Variants in AMOTL1 observed in about 807,000 individuals in gnomAD.
AMOTL1 encodes the protein angiomotin like 1, also known as angiomotin-like protein 1.
A neutral mutation model predicts 102.9 loss-of-function variants in AMOTL1; 45 were observed. That is an observed-to-expected ratio of 0.44 (90% CI 0.34 to 0.56). The LOEUF is 0.56. Ranked by LOEUF, AMOTL1 falls within the 20% of genes least tolerant of loss-of-function variation. AMOTL1 has a pLI of 0.01. For missense variants in AMOTL1, 1,114 were observed against 1,225.6 expected, an observed-to-expected ratio of 0.91 and a Z score of 1.36; for synonymous variants, 481 against 484.7, an observed-to-expected ratio of 0.99 and a Z score of 0.10.
At chr11:94,841,620 C>T (rs1366937331) in intron 6 of AMOTL1, among the ~76,000 whole-genome samples, 5 of 152,182 alleles carry the variant, frequency 3.3e-5, no homozygotes, top group African/African-American at 1.2e-4. Flanking sequence ...AATTCATTAT[C>T]TAGTTTATTA....
chr11:94,869,052 G>A (rs1592053156), intron 11 of AMOTL1, 146 bp from the exon 12 acceptor site: 1 of 946,076 alleles, frequency 1.1e-6, no homozygotes, highest in Non-Finnish European at 1.5e-6. Flanking sequence ...TATCAGCCTT[G>A]TAATAAGTGT....
chr11:94,763,178 A>G (rs1006730776), intron 3 of AMOTL1, among the ~76,000 whole-genome samples: 4 of 152,146 alleles, frequency 2.6e-5, no homozygotes, highest in African/African-American at 9.7e-5. Flanking sequence ...TACCTTGTGT[A>G]TCTTCCCACT....
At chr11:94,806,307 T>C (rs1421216227) in intron 3 of AMOTL1, among the ~76,000 whole-genome samples, 2 of 152,242 alleles carry the variant, frequency 1.3e-5, no homozygotes, top group East Asian at 3.8e-4. Context: ...GAATGTGCCA[T>C]ATTACAAGAA....
rs1326843044 is a variant in AMOTL1 at position 94,825,948 on chromosome 11, TC to T, written c.1414-4101del. Among the ~76,000 whole-genome samples the T allele has an allele frequency of 4.6e-5, 7 of 152,320 alleles. 1 individual carries two copies. Among genetic ancestry groups the T allele is most frequent in the Admixed American group, 4.6e-4 (7 of 15,310 alleles). On this transcript the variant is annotated intron_variant, in intron 4 of 12. Transcript: ENST00000433060. The stretch of plus-strand genomic sequence containing the variant: ...AGCTCACTAATGGGTATACTACACT[TC>T]TGGAAAATGTAGTTAGGAAATGTTT...
chr11:94,836,760 C>CT (rs200404531), intron 6 of AMOTL1, among the ~76,000 whole-genome samples: 3,161 of 140,804 alleles, frequency 0.022, 38 homozygotes, highest in Admixed American at 0.029. Flanking sequence ...TTCCTTCCTT[C>CT]TTTTTTTTTT....
intron 3 of AMOTL1, among the ~76,000 whole-genome samples, chr11:94,813,820 A>T (rs1330483192): frequency 6.6e-6 from 1 of 152,232 alleles, no homozygotes; most frequent in African/African-American, 2.4e-5. Flanking sequence ...TGCTTCCTGC[A>T]GGCTGGCTAA....
At position 94,799,473 on chromosome 11, in the gene AMOTL1, G is replaced by C. The variant is rs763725462; in HGVS notation, c.283G>C (p.Ala95Pro). ...AATGAGAGGTTCCGAGGATGCGGCA[G>C]CTGGAACAGTATTGCAGCGGCTGAT... The part of the protein sequence containing the change: ...VEMRGSEDAA[A>P]GTVLQRLIQE... Residue 95 changes from alanine to proline, a missense_variant, in exon 3 of 13, where the codon GCT (alanine) becomes CCT (proline). Coordinates refer to ENST00000433060, the MANE Select transcript of AMOTL1 (RefSeq NM_130847.3). The surrounding 1 kb of genome is among the most constrained non-coding windows in gnomAD (Gnocchi z 4.5). The C allele has an allele frequency of 1.9e-6, 3 of 1,611,002 alleles. No individual in the cohort carries two copies. Among genetic ancestry groups the C allele is most frequent in the East Asian group, 4.5e-5 (2 of 44,790 alleles).
chr11:94,767,339 A>G (rs996107872), upstream of AMOTL1, among the ~76,000 whole-genome samples: 1 of 152,172 alleles, frequency 6.6e-6, no homozygotes, highest in Non-Finnish European at 1.5e-5. Flanking sequence ...AGGGCCCATC[A>G]GGGGAATCAG....
At chr11:94,737,985 T>G (rs1446069173) in intron 2 of AMOTL1, among the ~76,000 whole-genome samples, 1 of 152,162 alleles carries the variant, frequency 6.6e-6, no homozygotes, top group African/African-American at 2.4e-5. Context: ...AAAGGATTTT[T>G]AAAAAGACAG....
At chr11:94,849,279 A>G (rs1952482007) in intron 6 of AMOTL1, among the ~76,000 whole-genome samples, 2 of 152,208 alleles carry the variant, frequency 1.3e-5, no homozygotes, top group African/African-American at 2.4e-5. Context: ...AATTTTCCAT[A>G]TTATAAGCAA....
chr11:94,772,255 A>G (rs1177071150), intron 1 of AMOTL1, among the ~76,000 whole-genome samples: 3 of 152,164 alleles, frequency 2.0e-5, no homozygotes, highest in Non-Finnish European at 2.9e-5. Context: ...GTGTACTTCT[A>G]TGCATTTTTT....
Position 94,748,587 on chromosome 11 carries a change from C to G in AMOTL1, c.136+7599C>G, listed in dbSNP as rs184926080. On this transcript the variant is annotated intron_variant, in intron 3 of 4. Coordinates refer to the AMOTL1 transcript ENST00000299004. ...AGTGGTTAAGAGCATGGGTATCAAG[C>G]CATACTGAGTGATGAATTTTAGCTC... 1.3e-3 allele frequency among the ~76,000 whole-genome samples: 196 copies of G among 152,282 alleles called. 2 individuals are homozygous for G. The highest frequency in any genetic ancestry group is 4.2e-3 in the African/African-American group (173 of 41,558).
intron 7 of AMOTL1, among the ~76,000 whole-genome samples, chr11:94,850,602 T>A (rs1173992118): frequency 6.6e-6 from 1 of 152,228 alleles, no homozygotes; most frequent in Non-Finnish European, 1.5e-5. Flanking sequence ...TTAAGTGTTA[T>A]GAGGTAGCCT....
intron 12 of AMOTL1, 24 bp downstream of exon 12, chr11:94,869,497 T>A: frequency 6.4e-7 from 1 of 1,569,012 alleles, no homozygotes; most frequent in Non-Finnish European, 8.6e-7. Flanking sequence ...CCCACCTTGA[T>A]GCCCCTGAAA....
chr11:94,838,081 T>C (rs1165226252), intron 6 of AMOTL1, among the ~76,000 whole-genome samples: 4 of 152,180 alleles, frequency 2.6e-5, no homozygotes, highest in African/African-American at 9.7e-5. Context: ...AATCTTCCTT[T>C]TATATACTCC....
chr11:94,819,490 C>T (rs1951825558), intron 3 of AMOTL1, among the ~76,000 whole-genome samples: 1 of 152,152 alleles, frequency 6.6e-6, no homozygotes, highest in Admixed American at 6.5e-5. Flanking sequence ...TTCTTTTACC[C>T]TCCTCTCACA....
At chr11:94,834,940 G>C (rs2135671801) in intron 6 of AMOTL1, among the ~76,000 whole-genome samples, 1 of 152,262 alleles carries the variant, frequency 6.6e-6, no homozygotes, top group East Asian at 1.9e-4. Flanking sequence ...GGCCTTGGTG[G>C]ACTGCCTGGG....
Position 94,831,510 on chromosome 11 carries a change from C to T in AMOTL1, c.1617C>T (p.Asp539=), listed in dbSNP as rs1269565427. ...LSSREYEGHE[D]KAAEGHYASQ... ...GCAGGGAATACGAAGGGCATGAAGACAAAGCTGCAGAGGGGCATTATGCTT... is the reference window on the plus strand; with the variant it reads ...GCAGGGAATACGAAGGGCATGAAGATAAAGCTGCAGAGGGGCATTATGCTT... The change falls in exon 6 of 13, where the codon GAC becomes GAT. Residue 539 remains aspartate (D), a synonymous_variant. Transcript: ENST00000433060. The T allele has an allele frequency of 6.2e-7, 1 of 1,613,814 alleles. No individual in the cohort carries two copies. The highest frequency in any genetic ancestry group is 8.5e-7 in the Non-Finnish European group (1 of 1,179,818).
intron 1 of AMOTL1, among the ~76,000 whole-genome samples, chr11:94,771,269 G>GT (rs58151675): frequency 1.5e-5 from 2 of 134,530 alleles, no homozygotes; most frequent in African/African-American, 2.7e-5. Context: ...TGGGGGGGGG[G>GT]TGCGGTGTGT....
Sources: gnomAD v4.1 joint callset for allele counts (sites outside exome capture counted in the v4.1 genomes callset) on GRCh38, gnomAD v4.1.1 for gene constraint, Gnocchi (gnomAD v3.1) non-coding constraint, MANE v1.5 for transcripts, NCBI Gene and HGNC (gene_info 2026-07-23, HGNC 2026-07-21) for gene names.